Variants in DDX27 observed in about 807,000 individuals in gnomAD.
DDX27 encodes the protein DEAD-box helicase 27.
In DDX27, 42 loss-of-function variants were observed where a neutral mutation model predicts 99.3. That is an observed-to-expected ratio of 0.42 (90% CI 0.33 to 0.55). The LOEUF (loss-of-function observed/expected upper bound fraction) is 0.55, where lower values mean the gene tolerates loss of function less well. Among genes scored for constraint, DDX27 ranks in the 20% least tolerant of loss-of-function variants. The pLI is 0.07. For missense variants in DDX27, 798 were observed against 976.8 expected (o/e 0.82, Z 2.44); for synonymous variants, 329 against 353.8 (o/e 0.93, Z 0.79).
In DDX27 at chr20:49,236,009, C is replaced by G; in HGVS notation, c.1428-141C>G. 1.5e-6 allele frequency: 1 copy of G among 668,706 alleles called. No homozygotes were observed. The allele number at this position is 668,706 out of a possible 1,614,324, so 41.4% of individuals were successfully genotyped here. On this transcript the variant is annotated intron_variant, in intron 12 of 20. Coordinates refer to ENST00000618172, the MANE Select transcript of DDX27 (RefSeq NM_017895.8). This position sits in a 1 kb window ranked among gnomAD's most constrained non-coding sequence, Gnocchi z 4.1. Reference sequence around the variant, plus strand: ...CTGCCCACCTCGGCCTCCCAAAGTGCTGGGATTACAGGCGTGAGCCACCGT... The same window carrying G: ...CTGCCCACCTCGGCCTCCCAAAGTGGTGGGATTACAGGCGTGAGCCACCGT...
Position 49,230,716 on chromosome 20 carries a change from G to A in DDX27, c.1031+367G>A, listed in dbSNP as rs140561834. ...GGAGGGAGGAAGAGGAAGTGCCAGC[G>A]TGGCTCCCACAGGGCCTCTGTGACT... On this transcript the variant is annotated intron_variant, in intron 9 of 20. Transcript: ENST00000618172. 8.6e-3 allele frequency among the ~76,000 whole-genome samples: 1,316 copies of A among 152,310 alleles called. 22 individuals carry two copies. Among genetic ancestry groups the A allele is most frequent in the African/African-American group, 0.028 (1,165 of 41,568 alleles).
chr20:49,229,594 C>T (rs1980027351), intron 8 of DDX27, among the ~76,000 whole-genome samples: 1 of 151,838 alleles, frequency 6.6e-6, no homozygotes, highest in Non-Finnish European at 1.5e-5. Flanking sequence ...CTGTAACAGA[C>T]ACCTCATCAC....
intron 2 of DDX27, among the ~76,000 whole-genome samples, chr20:49,221,903 G>A (rs372394946): frequency 5.4e-4 from 81 of 149,414 alleles, no homozygotes; most frequent in Middle Eastern, 7.0e-3. Flanking sequence ...CTCCGGTGGT[G>A]TCACTGTGCA....
At chr20:49,223,135 C>T (rs1979752042) in intron 3 of DDX27, 119 bp downstream of exon 3, 3 of 1,352,784 alleles carry the variant, frequency 2.2e-6, no homozygotes, top group Admixed American at 4.4e-5. Context: ...GCGCACTCTT[C>T]TGTGTGTTTG....
intron 14 of DDX27, 176 bp from the exon 15 acceptor site, chr20:49,238,765 CTTTTTTTT>C (rs71186443): frequency 0.022 from 5,178 of 236,072 alleles, 6 homozygotes; most frequent in Middle Eastern, 0.031. Flanking sequence ...CTGTGCCTGG[CTTTTTTTT>C]TTTTTTTTTT....
chr20:49,242,002 T>A lies in DDX27; in HGVS notation c.1992+15T>A, dbSNP rs142961376. 623 of 1,613,688 alleles carry A rather than the reference T, an allele frequency of 3.9e-4. 1 individual carries two copies. In the African/African-American group the frequency reaches 7.5e-3, roughly 20 times the overall value. ...GGGAGATGACAGTGAGTGGCCTCCC[T>A]TTTGGAGTTTGGGCCCACTCGGTGG... On this transcript the variant is annotated intron_variant, in intron 17 of 20. Coordinates refer to ENST00000618172, the MANE Select transcript of DDX27 (RefSeq NM_017895.8).
At chr20:49,233,833 T>C in intron 11 of DDX27, 124 bp downstream of exon 11, 1 of 1,061,614 alleles carries the variant, frequency 9.4e-7, no homozygotes, top group Non-Finnish European at 1.4e-6. Flanking sequence ...GCGCAGAGGC[T>C]GCACTGCACT....
At chr20:49,237,928 C>G (rs920579587) in intron 14 of DDX27, 1 of 152,562 alleles carries the variant, frequency 6.6e-6, no homozygotes, top group East Asian at 1.9e-4. Flanking sequence ...GCAGAGAAGG[C>G]ACACATTACA....
chr20:49,229,004 A>G, intron 8 of DDX27, 116 bp downstream of exon 8: 1 of 607,748 alleles, frequency 1.6e-6, no homozygotes, highest in Non-Finnish European at 2.4e-6. Context: ...CTTTGTGTTG[A>G]TTGAATCCAC....
Position 49,233,671 on chromosome 20 carries a change from G to C in DDX27, c.1235G>C (p.Arg412Pro). The stretch of plus-strand genomic sequence containing the variant: ...CTGCGGCAGGAGTTCATCCGGATCC[G>C]GCCTAATCGTGAAGGAGACCGGGAA... ...PFLRQEFIRI[R>P]PNREGDREAI... The change falls in exon 11 of 21, where the codon CGG (arginine) becomes CCG (proline). Residue 412 changes from arginine to proline, a missense_variant. This residue lies in a region of DDX27 where 553 missense variants were observed against 727.9 expected (regional missense o/e 0.76). Transcript: ENST00000618172. 6.2e-7 allele frequency: 1 copy of C among 1,613,942 alleles called. No homozygotes were observed. Among genetic ancestry groups the C allele is most frequent in the Non-Finnish European group, 8.5e-7 (1 of 1,179,958 alleles).
At chr20:49,229,139 G>T (rs377232319) in intron 8 of DDX27, among the ~76,000 whole-genome samples, 1 of 147,742 alleles carries the variant, frequency 6.8e-6, no homozygotes, top group African/African-American at 2.5e-5. Flanking sequence ...CCGGGTTCAC[G>T]CCATTCTCCT....
rs745599934 is a variant in DDX27, at chr20:49,236,299, T to C, written c.1510-34T>C. On this transcript the variant is annotated intron_variant, in intron 13 of 20. Transcript: ENST00000618172. The surrounding 1 kb of genome is among the most constrained non-coding windows in gnomAD (Gnocchi z 4.1). ...TTTGCCTCTTCGCACCCCCCTTCCC[T>C]TGCCAGGCCTGACGTTCATTTTTGA... 1 of 1,568,016 alleles carries C rather than the reference T, an allele frequency of 6.4e-7. No homozygotes were observed. Among genetic ancestry groups the C allele is most frequent in the South Asian group, 1.2e-5 (1 of 84,830 alleles).
intron 16 of DDX27, 114 bp downstream of exon 16, chr20:49,239,452 A>C: frequency 1.4e-6 from 1 of 729,758 alleles, no homozygotes. Context: ...TTCGGCACCA[A>C]GGACCAGTAT....
intron 6 of DDX27, among the ~76,000 whole-genome samples, 168 bp from the exon 7 acceptor site, chr20:49,226,262 A>G (rs1322972612): frequency 6.6e-6 from 1 of 152,162 alleles, no homozygotes; most frequent in Non-Finnish European, 1.5e-5. Context: ...CTGTGTCCTC[A>G]GTGTCTAGAG....
In DDX27 at chr20:49,236,123, T is replaced by A. The variant is rs1481758519; in HGVS notation, c.1428-27T>A. The A allele has an allele frequency of 1.9e-6, 3 of 1,592,834 alleles. No homozygotes were observed. On this transcript the variant is annotated intron_variant, in intron 12 of 20. Transcript: ENST00000618172. The surrounding 1 kb of genome is among the most constrained non-coding windows in gnomAD (Gnocchi z 4.1). ...GCATTATTAGGGGAGGGTGTCTGGA[T>A]GAACAGCTGTTTGTGACTGTTTCTA...
At chr20:49,232,568 C>T (rs966890092) in intron 9 of DDX27, among the ~76,000 whole-genome samples, 1 of 152,018 alleles carries the variant, frequency 6.6e-6, no homozygotes, top group Non-Finnish European at 1.5e-5. Flanking sequence ...TTGAGACCAT[C>T]CTGGCTAACA....
chr20:49,223,004 A>G lies in DDX27; in HGVS notation c.288A>G (p.Lys96=), dbSNP rs764898098. 3.1e-6 allele frequency: 5 copies of G among 1,613,454 alleles called. No homozygotes were observed. In the South Asian group the frequency reaches 3.3e-5, roughly 11 times the overall value. ...LDEKIEKVRK[K]RKTEDKEAKS... Reference sequence around the variant, plus strand: ...AGAAGATTGAGAAAGTTCGAAAGAAAAGGAAAACAGAGGTGAGAAGAAAAG... The same window carrying G: ...AGAAGATTGAGAAAGTTCGAAAGAAGAGGAAAACAGAGGTGAGAAGAAAAG... The change falls in exon 3 of 21, where the codon AAA becomes AAG. Residue 96 remains lysine, a synonymous_variant. Coordinates refer to ENST00000618172, the MANE Select transcript of DDX27 (RefSeq NM_017895.8).
intron 12 of DDX27, chr20:49,235,673 G>T (rs997382370): frequency 6.4e-6 from 1 of 155,884 alleles, no homozygotes; most frequent in Admixed American, 6.3e-5. Flanking sequence ...ACAGAACTAC[G>T]TTTGCTCTGT....
chr20:49,223,208 C>T (rs894113253), intron 3 of DDX27, 60 bp from the exon 4 acceptor site: 3 of 1,548,776 alleles, frequency 1.9e-6, no homozygotes, highest in African/African-American at 2.8e-5. Flanking sequence ...TCCTATCGCT[C>T]TACTTAGGTT....
Sources: allele counts gnomAD v4.1 joint callset (sites outside exome capture counted in the v4.1 genomes callset), GRCh38; gene constraint gnomAD v4.1.1; regional missense constraint gnomAD v4.1.1; non-coding constraint Gnocchi (gnomAD v3.1); transcripts MANE v1.5; gene names NCBI Gene and HGNC (gene_info 2026-07-23, HGNC 2026-07-21).